The following CLYBL variants were observed in gnomAD, a reference collection of about 807,000 sequenced individuals.
CLYBL encodes the protein citramalyl-CoA lyase, mitochondrial.
Under a neutral mutation model 38.9 loss-of-function variants are expected in CLYBL, and 31 were observed. The observed-to-expected ratio is 0.80, with a 90% confidence interval of 0.60 to 1.08. The LOEUF (loss-of-function observed/expected upper bound fraction) is 1.08. Among genes scored for constraint, CLYBL ranks in the 50% least tolerant of loss-of-function variants. The pLI, the probability that CLYBL is intolerant of heterozygous loss-of-function variation, is 0.00. For synonymous variants in CLYBL, 171 were observed against 158.6 expected (o/e 1.08, Z -0.59); for missense variants, 434 against 411.6 (o/e 1.05, Z -0.47).
chr13:99,859,329 G>T (rs1041579727), intron 3 of CLYBL, among the ~76,000 whole-genome samples: 1 of 152,190 alleles, frequency 6.6e-6, no homozygotes, highest in African/African-American at 2.4e-5. Flanking sequence ...CCCTCCCAGA[G>T]TAATCCCTGG....
intron 1 of CLYBL, among the ~76,000 whole-genome samples, chr13:99,712,210 C>T (rs1041247113): frequency 1.3e-5 from 2 of 152,170 alleles, no homozygotes; most frequent in Non-Finnish European, 2.9e-5. Flanking sequence ...TATTATACCC[C>T]TGATACACAC....
At chr13:99,812,263 C>T (rs572415004) in intron 2 of CLYBL, among the ~76,000 whole-genome samples, 100 of 152,300 alleles carry the variant, frequency 6.6e-4, no homozygotes, top group African/African-American at 2.3e-3. Flanking sequence ...ATTGCACACT[C>T]CTATTGTTAT....
chr13:99,644,001 T>C (rs1195387500), intron 1 of CLYBL, among the ~76,000 whole-genome samples: 6 of 86,500 alleles, frequency 6.9e-5, no homozygotes, highest in Non-Finnish European at 1.2e-4. Context: ...CAAGACTCTG[T>C]CTCAAAAAAA....
chr13:99,699,941 G>C (rs9585196), intron 1 of CLYBL, among the ~76,000 whole-genome samples: 1 of 151,706 alleles, frequency 6.6e-6, no homozygotes, highest in Non-Finnish European at 1.5e-5. Context: ...GCAGTGAGCC[G>C]AGATTGCACC....
chr13:99,637,139 G>A (rs577492182), intron 1 of CLYBL, among the ~76,000 whole-genome samples: 49 of 152,322 alleles, frequency 3.2e-4, no homozygotes, highest in African/African-American at 1.1e-3. Context: ...CTCCCAAAGT[G>A]CTGGGGTTAC....
chr13:99,898,527 C>T (rs1021809590), downstream of CLYBL, among the ~76,000 whole-genome samples: 5 of 152,148 alleles, frequency 3.3e-5, no homozygotes, highest in African/African-American at 9.7e-5. Context: ...GCCTGGAATT[C>T]GTGCGGTGGC....
At chr13:99,633,095 G>T (rs1311332724) in intron 1 of CLYBL, among the ~76,000 whole-genome samples, 1 of 150,094 alleles carries the variant, frequency 6.7e-6, no homozygotes. Flanking sequence ...ACAAAAATTA[G>T]CCAGGTGTGG....
At chr13:99,833,016 ATATATATATATATATTTTTTTTTTTT>A (rs2050844644) in intron 2 of CLYBL, among the ~76,000 whole-genome samples, 2 of 32,780 alleles carry the variant, frequency 6.1e-5, no homozygotes, top group Admixed American at 3.3e-4. Context: ...ACATATATAT[ATATATATATATATATTTTTTTTTTTT>A]TTTTTTTTTT....
chr13:99,668,554 C>T (rs1334635162), intron 1 of CLYBL, among the ~76,000 whole-genome samples: 3 of 147,760 alleles, frequency 2.0e-5, no homozygotes, highest in Admixed American at 1.4e-4. Flanking sequence ...CCACTGCACT[C>T]CAGCCTGGGA....
chr13:99,694,389 G>A (rs2047949153), intron 1 of CLYBL, among the ~76,000 whole-genome samples: 1 of 152,184 alleles, frequency 6.6e-6, no homozygotes, highest in South Asian at 2.1e-4. Context: ...CCTTCCCCAA[G>A]TCTGTGTTGG....
At chr13:99,870,318 C>A (rs1677248865) in intron 6 of CLYBL, among the ~76,000 whole-genome samples, 1 of 152,054 alleles carries the variant, frequency 6.6e-6, no homozygotes, top group South Asian at 2.1e-4. Context: ...AAAATATTTT[C>A]ATTCAAATCC....
chr13:99,632,701 T>C (rs2139238544), intron 1 of CLYBL, among the ~76,000 whole-genome samples: 1 of 151,998 alleles, frequency 6.6e-6, no homozygotes, highest in Admixed American at 6.5e-5. Flanking sequence ...GCCGAGATTG[T>C]GCCACTGCAC....
intron 2 of CLYBL, among the ~76,000 whole-genome samples, chr13:99,778,374 C>G (rs1295122768): frequency 6.6e-6 from 1 of 152,112 alleles, no homozygotes; most frequent in Non-Finnish European, 1.5e-5. Flanking sequence ...TCTGGCTAAA[C>G]TGAATCATTA....
At chr13:99,684,734 AAAT>A (rs1382581133) in intron 1 of CLYBL, among the ~76,000 whole-genome samples, 1 of 152,236 alleles carries the variant, frequency 6.6e-6, no homozygotes, top group Non-Finnish European at 1.5e-5. Flanking sequence ...ATCCCCTGTG[AAAT>A]AATAACAAGA....
At chr13:99,730,392 A>G (rs2048566862) in intron 1 of CLYBL, among the ~76,000 whole-genome samples, 1 of 152,232 alleles carries the variant, frequency 6.6e-6, no homozygotes, top group South Asian at 2.1e-4. Flanking sequence ...AGCACTGCCC[A>G]GGTGGCTGGA....
At chr13:99,795,569 G>T (rs1278958276) in intron 2 of CLYBL, among the ~76,000 whole-genome samples, 2 of 152,134 alleles carry the variant, frequency 1.3e-5, no homozygotes, top group African/African-American at 4.8e-5. Context: ...TGGGAAGATT[G>T]CTTGAGCCCA....
chr13:99,719,610 G>T (rs1431741319), intron 1 of CLYBL, among the ~76,000 whole-genome samples: 1 of 152,072 alleles, frequency 6.6e-6, no homozygotes, highest in African/African-American at 2.4e-5. Flanking sequence ...GGGTTCAAGC[G>T]ATTCTCCTGC....
intron 2 of CLYBL, among the ~76,000 whole-genome samples, chr13:99,813,887 T>C (rs536052543): frequency 2.6e-4 from 39 of 152,222 alleles, no homozygotes; most frequent in Admixed American, 5.2e-4. Flanking sequence ...AATGGAAAAG[T>C]CCATAGGCCA....
intron 8 of CLYBL, 197 bp downstream of exon 8, chr13:99,891,634 A>AT: frequency 2.0e-6 from 1 of 501,042 alleles, no homozygotes; most frequent in Non-Finnish European, 3.6e-6. Context: ...TGATTTTATC[A>AT]TTTTTAGTGT....
Sources: allele counts gnomAD v4.1 joint callset (sites outside exome capture counted in the v4.1 genomes callset), GRCh38; gene constraint gnomAD v4.1.1; transcripts MANE v1.5; gene names NCBI Gene and HGNC (gene_info 2026-07-23, HGNC 2026-07-21).